The following SETDB1 variants were observed in gnomAD, a reference collection of about 807,000 sequenced individuals.
The protein encoded by SETDB1 is SET domain bifurcated histone lysine methyltransferase 1, also known as histone-lysine N-methyltransferase SETDB1.
In SETDB1, 31 loss-of-function variants were observed where a neutral mutation model predicts 137.4. The observed-to-expected ratio is 0.23, with a 90% CI of 0.17 to 0.30. The LOEUF is 0.30. Among genes scored for constraint, SETDB1 ranks in the 10% least tolerant of loss-of-function variants. The pLI, the probability that SETDB1 is intolerant of heterozygous loss-of-function variation, is 1.00. For missense variants in SETDB1, 1,113 were observed against 1,631.5 expected, an observed-to-expected ratio of 0.68 and a Z score of 5.47; for synonymous variants, 548 against 579.9, an observed-to-expected ratio of 0.95 and a Z score of 0.79.
intron 19 of SETDB1, 66 bp downstream of exon 19, chr1:150,963,205 T>C: frequency 6.9e-7 from 1 of 1,457,914 alleles, no homozygotes; most frequent in South Asian, 1.2e-5. Flanking sequence ...GAGCATTTTT[T>C]AAGGAAGCTA....
At chr1:150,954,395 A>C (rs74127091) in intron 14 of SETDB1, among the ~76,000 whole-genome samples, 10,937 of 152,258 alleles carry the variant, frequency 0.072, 1,343 homozygotes, top group African/African-American at 0.25. Context: ...CACGTGAACT[A>C]ATAAACCTAG....
intron 13 of SETDB1, 87 bp downstream of exon 13, chr1:150,951,177 G>A: frequency 7.1e-7 from 1 of 1,410,250 alleles, no homozygotes; most frequent in Non-Finnish European, 9.7e-7. Context: ...TATCTGTACT[G>A]CTTTCCCCAT....
Position 150,961,028 on chromosome 1 carries a change from G to T in SETDB1, c.2969G>T (p.Ser990Ile). 6.2e-7 allele frequency: 1 copy of T among 1,613,930 alleles called. No homozygotes were observed. The highest frequency in any genetic ancestry group is 1.1e-5 in the South Asian group (1 of 91,074). The change falls in exon 16 of 22, where the codon AGT (serine) becomes ATT (isoleucine). Residue 990 changes from serine (S) to isoleucine (I), a missense_variant. By Grantham distance (142) the Ser-to-Ile change is moderately radical. Coordinates refer to ENST00000692827, the MANE Select transcript of SETDB1 (RefSeq NM_001366418.1). The part of the protein sequence containing the change: ...NKVASWLSCN[S>I]VSEGGFADSD... ...GTGGCCTCATGGTTGAGCTGCAATA[G>T]TGTCAGTGAAGGTGGTTTTGCTGAC...
At position 150,945,287 on chromosome 1, in the gene SETDB1, T is replaced by C. The variant is rs587665314; in HGVS notation, c.1140+179T>C. 3.5e-6 allele frequency: 5 copies of C among 1,448,388 alleles called. No individual in the cohort carries two copies. The African/African-American group carries it at 7.2e-5, about 21-fold the overall frequency. The allele number at this position is 1,448,388 out of a possible 1,614,324, so 89.7% of individuals were successfully genotyped here. A position where few individuals can be genotyped will look rare whatever the true frequency, so the allele number is the denominator to read the frequency against. On this transcript the variant is annotated intron_variant, in intron 9 of 21. Transcript: ENST00000692827. ...TTTTTGTTGTTCCTCTGCAGGTCAT[T>C]GTTGAAAATAAATTATCTGAATTAT...
chr1:150,950,359 G>A (rs1330548883), intron 12 of SETDB1, 99 bp from the exon 13 acceptor site: 1 of 1,058,596 alleles, frequency 9.4e-7, no homozygotes, highest in Non-Finnish European at 1.4e-6. Flanking sequence ...GAGCACAGCT[G>A]TTTGAAAGAT....
rs1670618118 is a variant in SETDB1 at position 150,955,799 on chromosome 1, A to C, written c.2334-3379A>C. ...TTTACCCAATGCCTGGCACATAGTA[A>C]TCACTTAGGCCAGGTGCAGTGGCTG... On this transcript the variant is annotated intron_variant, in intron 14 of 21. Coordinates refer to ENST00000692827, the MANE Select transcript of SETDB1 (RefSeq NM_001366418.1). 2.0e-5 allele frequency among the ~76,000 whole-genome samples: 3 copies of C among 152,204 alleles called. No individual in the cohort carries two copies. In the South Asian group the frequency reaches 6.2e-4, roughly 32 times the overall value.
chr1:150,946,044 C>T (rs1413839122), intron 9 of SETDB1, among the ~76,000 whole-genome samples: 1 of 151,160 alleles, frequency 6.6e-6, no homozygotes, highest in African/African-American at 2.4e-5. Context: ...TTTTTTGAGA[C>T]AGTCTCACTC....
At chr1:150,958,122 G>A (rs991104958) in intron 14 of SETDB1, among the ~76,000 whole-genome samples, 6 of 150,206 alleles carry the variant, frequency 4.0e-5, no homozygotes, top group Non-Finnish European at 8.9e-5. Context: ...GGAGGTGGAG[G>A]TTGTGAGCTG....
In SETDB1 at chr1:150,949,360, C is replaced by A; in HGVS notation, c.1425-7C>A. On this transcript the variant is annotated splice_region_variant and splice_polypyrimidine_tract_variant and intron_variant, in intron 11 of 21. Transcript: ENST00000692827. Reference sequence around the variant, plus strand: ...CTTACTATATGCCCTCTTCTCTAATCTCCTAGAAGCTTGGAAAGCCAGCTT... The same window carrying A: ...CTTACTATATGCCCTCTTCTCTAATATCCTAGAAGCTTGGAAAGCCAGCTT... The A allele has an allele frequency of 1.2e-6, 2 of 1,614,062 alleles. No individual in the cohort carries two copies. Among genetic ancestry groups the A allele is most frequent in the Non-Finnish European group, 1.7e-6 (2 of 1,179,972 alleles).
chr1:150,943,036 C>T lies in SETDB1; in HGVS notation c.858C>T (p.Asn286=). 6.2e-7 allele frequency: 1 copy of T among 1,613,808 alleles called. No individual in the cohort carries two copies. The highest frequency in any genetic ancestry group is 1.1e-5 in the South Asian group (1 of 91,066). Residue 286 remains asparagine (N), a synonymous_variant, in exon 7 of 22, where the codon AAC becomes AAT. Coordinates refer to ENST00000692827, the MANE Select transcript of SETDB1 (RefSeq NM_001366418.1). The stretch of plus-strand genomic sequence containing the variant: ...CTGGCATTGTAGCTGAGACACCAAA[C>T]GTCAAAAACAAGCTCAGGTACCTGG... ...LYAGIVAETP[N]VKNKLRFLIF...
Position 150,950,789 on chromosome 1 carries a change from A to G in SETDB1, c.1915A>G (p.Met639Val), listed in dbSNP as rs771729435. The G allele has an allele frequency of 3.7e-6, 6 of 1,614,076 alleles. No individual in the cohort carries two copies. The highest frequency in any genetic ancestry group is 2.7e-5 in the African/African-American group (2 of 74,926). ...ACCTTGTGGTCTCTGCCTTCGGACAATGCAGGAGATAGAACGCTACCTTTT... is the reference window on the plus strand; with the variant it reads ...ACCTTGTGGTCTCTGCCTTCGGACAGTGCAGGAGATAGAACGCTACCTTTT... ...KTPCGLCLRT[M>V]QEIERYLFET... Residue 639 changes from methionine (M) to valine (V), a missense_variant, in exon 13 of 22, where the codon ATG (methionine) becomes GTG (valine). Physicochemically the swap from Met to Val is conservative, Grantham distance 21. Transcript: ENST00000692827.
chr1:150,956,883 G>A (rs587768768), intron 14 of SETDB1, among the ~76,000 whole-genome samples: 138 of 152,262 alleles, frequency 9.1e-4, no homozygotes, highest in Middle Eastern at 3.4e-3. Context: ...GGGAGGCCGT[G>A]GTGGGGGGAT....
In SETDB1 at chr1:150,950,697, A is replaced by C; in HGVS notation, c.1823A>C (p.Asp608Ala). The C allele has an allele frequency of 6.2e-7, 1 of 1,614,152 alleles. No individual in the cohort carries two copies. Among genetic ancestry groups the C allele is most frequent in the Non-Finnish European group, 8.5e-7 (1 of 1,180,026 alleles). The change falls in exon 13 of 22, where the codon GAC (aspartate) becomes GCC (alanine). Residue 608 changes from aspartate to alanine, a missense_variant. By Grantham distance (126) the Asp-to-Ala change is moderately radical. Around this residue, in one of 11 missense-constraint regions of SETDB1, gnomAD observed 55 missense variants for 118.5 expected, o/e 0.46. Coordinates refer to ENST00000692827, the MANE Select transcript of SETDB1 (RefSeq NM_001366418.1). ...KNPLLVPLLYDFRRMTARRRV... is the reference protein window; with the variant it reads ...KNPLLVPLLYAFRRMTARRRV... ...CCTCTGCTGGTCCCGTTACTATATG[A>C]CTTCCGGCGGATGACAGCCCGGCGT...
Position 150,962,664 on chromosome 1 carries a change from A to C in SETDB1, c.3239A>C (p.Lys1080Thr), listed in dbSNP as rs1289282474. Residue 1080 changes from lysine (K) to threonine (T), a missense_variant, in exon 18 of 22, where the codon AAG (lysine) becomes ACG (threonine). Physicochemically the swap from Lys to Thr is moderately conservative, Grantham distance 78. Around this residue, in one of 11 missense-constraint regions of SETDB1, gnomAD observed 373 missense variants for 412.7 expected, o/e 0.90. Transcript: ENST00000692827. ...GAAGGACTTCGCCGCCCACCTAGTA[A>C]GACTAGTATGCATCAAAGCCGAAGA... ...KPEGLRRPPS[K>T]TSMHQSRRLM... 1 of 1,614,078 alleles carries C rather than the reference A, an allele frequency of 6.2e-7. No individual in the cohort carries two copies. Among genetic ancestry groups the C allele is most frequent in the Non-Finnish European group, 8.5e-7 (1 of 1,179,942 alleles).
intron 2 of SETDB1, among the ~76,000 whole-genome samples, chr1:150,929,517 G>A (rs1018072810): frequency 2.6e-5 from 4 of 151,668 alleles, no homozygotes; most frequent in African/African-American, 2.4e-5. Flanking sequence ...TAGCTGGGAC[G>A]ACAAGCGTGT....
chr1:150,928,961 A>G (rs1669633135), intron 2 of SETDB1, among the ~76,000 whole-genome samples: 1 of 152,130 alleles, frequency 6.6e-6, no homozygotes, highest in Admixed American at 6.6e-5. Context: ...TCCATGGTGT[A>G]TATGTGCCAC....
At chr1:150,957,116 CAAAA>C (rs1268658002) in intron 14 of SETDB1, among the ~76,000 whole-genome samples, 17 of 132,128 alleles carry the variant, frequency 1.3e-4, no homozygotes, top group Non-Finnish European at 2.5e-4. Context: ...GACCATGACT[CAAAA>C]AAAAAAAAAA....
At chr1:150,945,304 C>T (rs1304356803) in intron 9 of SETDB1, 196 bp downstream of exon 9, 2 of 1,440,928 alleles carry the variant, frequency 1.4e-6, no homozygotes, top group Non-Finnish European at 1.8e-6. Context: ...AATAAATTAT[C>T]TGAATTATAA....
At chr1:150,957,000 C>G (rs1670660766) in intron 14 of SETDB1, among the ~76,000 whole-genome samples, 1 of 151,952 alleles carries the variant, frequency 6.6e-6, no homozygotes, top group African/African-American at 2.4e-5. Flanking sequence ...AGCTGTGGTC[C>G]CAGCTACTTA....
Sources: gnomAD v4.1 joint callset for allele counts (sites outside exome capture counted in the v4.1 genomes callset) on GRCh38, gnomAD v4.1.1 for gene constraint, gnomAD v4.1.1 regional missense constraint, MANE v1.5 for transcripts, NCBI Gene and HGNC (gene_info 2026-07-23, HGNC 2026-07-21) for gene names.